CHCHD3: variants seen among roughly 807,000 people sequenced by gnomAD.
CHCHD3 encodes the protein coiled-coil-helix-coiled-coil-helix domain containing 3.
A neutral mutation model predicts 38.2 loss-of-function variants in CHCHD3; 20 were observed. The ratio of observed to expected loss-of-function variants is 0.52; its 90% CI spans 0.37 to 0.76. The LOEUF is 0.76. Among genes scored for constraint, CHCHD3 ranks in the 30% least tolerant of loss-of-function variants. CHCHD3 has a pLI of 0.00. For synonymous variants in CHCHD3, 82 were observed against 100.0 expected, an observed-to-expected ratio of 0.82 and a Z score of 1.07; for missense variants, 245 against 279.2, an observed-to-expected ratio of 0.88 and a Z score of 0.87.
chr7:132,833,357 AT>A (rs1338386498), intron 6 of CHCHD3, among the ~76,000 whole-genome samples: 1 of 152,212 alleles, frequency 6.6e-6, no homozygotes, highest in Non-Finnish European at 1.5e-5. Flanking sequence ...TAGAGCTAAA[AT>A]TTTAAATCTA....
At chr7:132,883,620 A>G (rs1181780852) in intron 5 of CHCHD3, among the ~76,000 whole-genome samples, 1 of 152,172 alleles carries the variant, frequency 6.6e-6, no homozygotes, top group East Asian at 1.9e-4. Context: ...GGGTCTTTCA[A>G]TTAGAACAGA....
chr7:132,901,119 A>G (rs531521314), intron 4 of CHCHD3, among the ~76,000 whole-genome samples: 1 of 152,382 alleles, frequency 6.6e-6, no homozygotes, highest in South Asian at 2.1e-4. Flanking sequence ...CAGAACACTC[A>G]GCCCTTTACA....
chr7:132,895,889 T>C (rs1315648651), intron 4 of CHCHD3, among the ~76,000 whole-genome samples: 7 of 152,198 alleles, frequency 4.6e-5, no homozygotes, highest in Non-Finnish European at 1.0e-4. Flanking sequence ...TGAGATCAAA[T>C]ACAAAAAGCC....
intron 2 of CHCHD3, among the ~76,000 whole-genome samples, chr7:133,044,930 C>A (rs546095759): frequency 5.9e-5 from 9 of 152,220 alleles, no homozygotes; most frequent in African/African-American, 2.2e-4. Flanking sequence ...AGGATGCTGG[C>A]CTGGGGAAAG....
At chr7:133,030,149 T>C (rs1025494509) in intron 2 of CHCHD3, among the ~76,000 whole-genome samples, 13 of 151,906 alleles carry the variant, frequency 8.6e-5, no homozygotes, top group African/African-American at 3.1e-4. Flanking sequence ...AAATCTAAAA[T>C]AGCAAATCAA....
chr7:132,952,302 G>A (rs1811053584), intron 4 of CHCHD3, among the ~76,000 whole-genome samples: 2 of 152,178 alleles, frequency 1.3e-5, no homozygotes, highest in Admixed American at 1.3e-4. Flanking sequence ...GAATCCACTG[G>A]GGCATTTATA....
chr7:132,938,928 T>C (rs987367240), intron 4 of CHCHD3, among the ~76,000 whole-genome samples: 1 of 152,182 alleles, frequency 6.6e-6, no homozygotes, highest in Non-Finnish European at 1.5e-5. Context: ...AGGTAGTCTA[T>C]CCCTGGTGAG....
chr7:132,985,579 C>G (rs1439084619), intron 3 of CHCHD3, among the ~76,000 whole-genome samples: 1 of 87,890 alleles, frequency 1.1e-5, no homozygotes, highest in South Asian at 3.6e-4. Context: ...TCCCGGCCAG[C>G]CGCCCCATCC....
intron 5 of CHCHD3, among the ~76,000 whole-genome samples, chr7:132,843,561 A>G (rs1363455510): frequency 6.6e-6 from 1 of 152,218 alleles, no homozygotes; most frequent in Non-Finnish European, 1.5e-5. Context: ...TTGGCAGATC[A>G]CTGGTGGACC....
At chr7:132,852,737 T>C (rs933420956) in intron 5 of CHCHD3, among the ~76,000 whole-genome samples, 2 of 152,072 alleles carry the variant, frequency 1.3e-5, no homozygotes, top group Non-Finnish European at 2.9e-5. Flanking sequence ...AGGAGTCCTG[T>C]GAGGAAGGAG....
chr7:132,816,683 G>A (rs1217377228), intron 6 of CHCHD3, among the ~76,000 whole-genome samples: 1 of 152,154 alleles, frequency 6.6e-6, no homozygotes, highest in Non-Finnish European at 1.5e-5. Context: ...CCTCCTTTAT[G>A]GCAGCGGCTT....
At chr7:132,951,797 GA>G (rs1340310820) in intron 4 of CHCHD3, among the ~76,000 whole-genome samples, 1 of 152,166 alleles carries the variant, frequency 6.6e-6, no homozygotes, top group African/African-American at 2.4e-5. Flanking sequence ...AAGCTATGAT[GA>G]AAATGCCATC....
chr7:133,069,334 C>T (rs1814755331), intron 2 of CHCHD3, among the ~76,000 whole-genome samples: 1 of 151,998 alleles, frequency 6.6e-6, no homozygotes, highest in East Asian at 1.9e-4. Context: ...CACAATTGGC[C>T]CAAGTGAATG....
At chr7:132,860,715 C>T (rs1180440584) in intron 5 of CHCHD3, among the ~76,000 whole-genome samples, 3 of 152,140 alleles carry the variant, frequency 2.0e-5, no homozygotes, top group African/African-American at 7.2e-5. Context: ...CAACCTCCAC[C>T]TCCTGGGTTC....
At chr7:132,904,036 G>C (rs187842172) in intron 4 of CHCHD3, among the ~76,000 whole-genome samples, 11 of 152,208 alleles carry the variant, frequency 7.2e-5, no homozygotes, top group Non-Finnish European at 1.3e-4. Context: ...GAGGTGGGGG[G>C]ATCATTTGAG....
chr7:132,921,317 A>G (rs1258453974), intron 4 of CHCHD3, among the ~76,000 whole-genome samples: 1 of 152,230 alleles, frequency 6.6e-6, no homozygotes. Flanking sequence ...AATTATATAT[A>G]CTTGAAATAT....
chr7:133,046,197 G>A (rs1750908599), intron 2 of CHCHD3, among the ~76,000 whole-genome samples: 1 of 152,174 alleles, frequency 6.6e-6, no homozygotes, highest in Admixed American at 6.5e-5. Flanking sequence ...GGTATAATCT[G>A]ATGAAGTAGT....
intron 6 of CHCHD3, among the ~76,000 whole-genome samples, chr7:132,806,820 C>T (rs1806931717): frequency 6.6e-6 from 1 of 151,882 alleles, no homozygotes; most frequent in Non-Finnish European, 1.5e-5. Flanking sequence ...TAAAAATGTG[C>T]TTAAAAGTTA....
At chr7:132,814,858 C>T (rs1359722644) in intron 6 of CHCHD3, among the ~76,000 whole-genome samples, 1 of 152,124 alleles carries the variant, frequency 6.6e-6, no homozygotes, top group Non-Finnish European at 1.5e-5. Flanking sequence ...AAATTTTAGA[C>T]TTGTTGGCCT....
Sources: gnomAD v4.1 joint callset for allele counts (sites outside exome capture counted in the v4.1 genomes callset) on GRCh38, gnomAD v4.1.1 for gene constraint, MANE v1.5 for transcripts, NCBI Gene and HGNC (gene_info 2026-07-23, HGNC 2026-07-21) for gene names.